The following LYRM4 variants were observed in gnomAD, a reference collection of about 807,000 sequenced individuals.
The protein encoded by LYRM4 is LYR motif-containing protein 4.
In LYRM4, 9 loss-of-function variants were observed where a neutral mutation model predicts 11.7. The ratio of observed to expected loss-of-function variants is 0.77; its 90% CI spans 0.46 to 1.34. LYRM4 has a LOEUF of 1.34. Ranked by LOEUF, LYRM4 falls within the 40% of genes most tolerant of loss-of-function variation. The pLI is 0.00. For missense variants in LYRM4, 133 were observed against 112.5 expected, an observed-to-expected ratio of 1.18 and a Z score of -0.82; for synonymous variants, 42 against 40.4, an observed-to-expected ratio of 1.04 and a Z score of -0.15.
At chr6:5,169,359 A>G (rs75557927) in intron 2 of LYRM4, among the ~76,000 whole-genome samples, 2,475 of 152,332 alleles carry the variant, frequency 0.016, 69 homozygotes, top group African/African-American at 0.057. Context: ...TGGCACAAAC[A>G]AAATGCGTGG....
rs555028267 is a variant in LYRM4 at position 5,191,775 on chromosome 6, G to A, written c.207+24843C>T. Among the ~76,000 whole-genome samples, 7 of 152,270 alleles carry A rather than the reference G, an allele frequency of 4.6e-5. No homozygotes were observed. The South Asian group carries it at 1.0e-3, about 23-fold the overall frequency. The stretch of plus-strand genomic sequence containing the variant: ...CAAAGAAAAACAGTATGTTTACAGT[G>A]TAAACATCTGGTCAATTCTACTCTA... On this transcript the variant is annotated intron_variant, in intron 2 of 2. Transcript: ENST00000330636.
At chr6:5,233,309 G>C (rs1372070753) in intron 1 of LYRM4, among the ~76,000 whole-genome samples, 1 of 152,210 alleles carries the variant, frequency 6.6e-6, no homozygotes, top group Admixed American at 6.5e-5. Flanking sequence ...GCATTTCCCA[G>C]CATGTGTTAT....
intron 2 of LYRM4, among the ~76,000 whole-genome samples, chr6:5,188,592 G>C (rs1461554265): frequency 1.3e-5 from 2 of 152,300 alleles, no homozygotes; most frequent in East Asian, 1.9e-4. Flanking sequence ...TGAGTGATCT[G>C]GGTGTGAAAC....
chr6:5,144,029 C>T, intron 2 of LYRM4: 2 of 1,291,904 alleles, frequency 1.5e-6, no homozygotes, highest in Non-Finnish European at 2.1e-6. Context: ...AAGCCCCTGA[C>T]ATCAAATTGC....
chr6:5,214,665 G>A (rs1762169299), intron 2 of LYRM4, among the ~76,000 whole-genome samples: 1 of 152,206 alleles, frequency 6.6e-6, no homozygotes, highest in Admixed American at 6.5e-5. Flanking sequence ...TCTCCACCTT[G>A]CCATAGGCTG....
the LYRM4 span, among the ~76,000 whole-genome samples, chr6:5,078,713 C>T: frequency 6.6e-6 from 1 of 152,120 alleles, no homozygotes; most frequent in African/African-American, 2.4e-5. Flanking sequence ...AGTGTATTCC[C>T]TTGCCATATT....
the LYRM4 span, among the ~76,000 whole-genome samples, chr6:5,083,811 A>G: frequency 6.6e-6 from 1 of 152,302 alleles, no homozygotes; most frequent in South Asian, 2.1e-4. Context: ...TGAAGCCCCA[A>G]TTAATTACGT....
chr6:5,217,610 G>A (rs914156268), intron 1 of LYRM4, among the ~76,000 whole-genome samples: 1 of 152,242 alleles, frequency 6.6e-6, no homozygotes, highest in Non-Finnish European at 1.5e-5. Flanking sequence ...TACATAGAAA[G>A]ACTCAATAAA....
intron 1 of LYRM4, among the ~76,000 whole-genome samples, chr6:5,246,509 C>G (rs927458397): frequency 1.3e-5 from 2 of 152,208 alleles, no homozygotes; most frequent in African/African-American, 4.8e-5. Context: ...GCCCAGCACA[C>G]AGCTCAGTTA....
the LYRM4 span, among the ~76,000 whole-genome samples, chr6:5,079,237 T>C: frequency 1.3e-5 from 2 of 152,300 alleles, no homozygotes; most frequent in African/African-American, 4.8e-5. Flanking sequence ...CTGGGATCAG[T>C]AAACTGTCAG....
At chr6:5,134,945 A>G (rs585998) in intron 2 of LYRM4, among the ~76,000 whole-genome samples, 74,303 of 90,418 alleles carry the variant, frequency 0.82, 31,107 homozygotes, top group East Asian at 0.86. Flanking sequence ...GGTGCGGATC[A>G]CTCCCGGGAC....
At chr6:5,258,235 C>A (rs1764776155) in intron 1 of LYRM4, among the ~76,000 whole-genome samples, 1 of 152,176 alleles carries the variant, frequency 6.6e-6, no homozygotes, top group South Asian at 2.1e-4. Flanking sequence ...ATAGGTCTTG[C>A]AAGAGAGTTC....
intron 2 of LYRM4, chr6:5,144,243 G>C: frequency 6.5e-7 from 1 of 1,537,062 alleles, no homozygotes; most frequent in Non-Finnish European, 8.7e-7. Flanking sequence ...CCTCCTGGCG[G>C]CTGTGCCTTG....
chr6:5,034,001 T>C, the LYRM4 span: 1 of 152,370 alleles, frequency 6.6e-6, no homozygotes, highest in Non-Finnish European at 1.5e-5. Context: ...CAAGTGGTCC[T>C]TCCTGCTGTC....
At chr6:5,031,955 A>G in the LYRM4 span, 2 of 152,228 alleles carry the variant, frequency 1.3e-5, no homozygotes, top group Admixed American at 6.5e-5. Context: ...TATGAGAGGC[A>G]TATTTTTCTA....
At chr6:5,074,517 A>G in the LYRM4 span, among the ~76,000 whole-genome samples, 1 of 151,280 alleles carries the variant, frequency 6.6e-6, no homozygotes, top group Non-Finnish European at 1.5e-5. Context: ...AGATAGAAAT[A>G]GCAGCAAGAG....
the LYRM4 span, among the ~76,000 whole-genome samples, chr6:5,092,425 A>G: frequency 1.3e-5 from 2 of 151,686 alleles, no homozygotes; most frequent in Non-Finnish European, 2.9e-5. Context: ...TTATTTTTAA[A>G]AAATGGCCGG....
chr6:5,250,378 A>G (rs1223201452), intron 1 of LYRM4, among the ~76,000 whole-genome samples: 2 of 152,200 alleles, frequency 1.3e-5, no homozygotes, highest in African/African-American at 4.8e-5. Flanking sequence ...GTAAAAAAGA[A>G]TGTTATTTTT....
At chr6:5,154,149 A>G (rs1758248486) in intron 2 of LYRM4, among the ~76,000 whole-genome samples, 1 of 152,232 alleles carries the variant, frequency 6.6e-6, no homozygotes, top group South Asian at 2.1e-4. Flanking sequence ...GAGGTTTTAA[A>G]TGACTTTCTC....
Sources: gnomAD v4.1 joint callset for allele counts (sites outside exome capture counted in the v4.1 genomes callset) on GRCh38, gnomAD v4.1.1 for gene constraint, MANE v1.5 for transcripts, NCBI Gene and HGNC (gene_info 2026-07-23, HGNC 2026-07-21) for gene names.